LRRC4C: variants seen among roughly 807,000 people sequenced by gnomAD.
LRRC4C encodes the protein leucine rich repeat containing 4C.
A neutral mutation model predicts 33.6 loss-of-function variants in LRRC4C; 5 were observed. The observed-to-expected ratio is 0.15, with a 90% confidence interval of 0.08 to 0.31. The LOEUF (loss-of-function observed/expected upper bound fraction) is 0.31. Ranked by LOEUF, LRRC4C falls within the 10% of genes least tolerant of loss-of-function variation. The pLI, the probability that LRRC4C is intolerant of heterozygous loss-of-function variation, is 1.00. For synonymous variants in LRRC4C, 329 were observed against 302.0 expected (o/e 1.09, Z -0.93); for missense variants, 560 against 796.7 (o/e 0.70, Z 3.58).
intron 1 of LRRC4C, among the ~76,000 whole-genome samples, chr11:41,187,297 G>A (rs1315230807): frequency 3.9e-5 from 6 of 152,300 alleles, no homozygotes; most frequent in African/African-American, 1.4e-4. Context: ...GCTGTAGCAG[G>A]CATGCACACA....
chr11:41,240,684 G>A (rs1948215366), intron 1 of LRRC4C, among the ~76,000 whole-genome samples: 2 of 152,226 alleles, frequency 1.3e-5, no homozygotes, highest in East Asian at 3.9e-4. Context: ...ACCTACATGG[G>A]GATGACTTTC....
rs559896284 is a variant in LRRC4C, at chr11:40,952,327, G to T, written c.-495-18604C>A. 3.9e-5 allele frequency among the ~76,000 whole-genome samples: 6 copies of T among 152,020 alleles called. No individual in the cohort carries two copies. In the South Asian group the frequency reaches 1.2e-3, roughly 31 times the overall value. On this transcript the variant is annotated intron_variant, in intron 1 of 6. Transcript: ENST00000528697. Reference sequence around the variant, plus strand: ...AGGGTTTATTTTGGGAATCTAGGAAGCAGGTTGGCTGGCTTCGAAAGCTAC... The same window carrying T: ...AGGGTTTATTTTGGGAATCTAGGAATCAGGTTGGCTGGCTTCGAAAGCTAC...
intron 2 of LRRC4C, among the ~76,000 whole-genome samples, chr11:40,725,114 A>G (rs11517631): frequency 0.45 from 67,996 of 152,042 alleles, 16,177 homozygotes; most frequent in African/African-American, 0.58. Context: ...TTATCTCCTC[A>G]AGTGATGCCT....
chr11:40,183,556 C>T (rs1172973731), intron 5 of LRRC4C, among the ~76,000 whole-genome samples: 1 of 152,172 alleles, frequency 6.6e-6, no homozygotes, highest in South Asian at 2.1e-4. Context: ...TCAAGACTTT[C>T]AGTTCTACAT....
chr11:40,895,345 C>T (rs1054470046), intron 2 of LRRC4C, among the ~76,000 whole-genome samples: 1 of 35,048 alleles, frequency 2.9e-5, no homozygotes, highest in Admixed American at 2.0e-4. Context: ...ATCCCCCTCA[C>T]TAAATTTTTA....
chr11:41,050,670 A>G (rs1382736639), intron 1 of LRRC4C, among the ~76,000 whole-genome samples: 1 of 151,970 alleles, frequency 6.6e-6, no homozygotes, highest in Non-Finnish European at 1.5e-5. Flanking sequence ...AATGTGCCAC[A>G]TTTTTTTATC....
intron 1 of LRRC4C, among the ~76,000 whole-genome samples, chr11:41,376,553 G>A (rs1031035201): frequency 2.0e-5 from 3 of 151,896 alleles, no homozygotes; most frequent in African/African-American, 7.3e-5. Flanking sequence ...TACATAAAAT[G>A]ACCAAAAATA....
chr11:40,282,615 C>G (rs1943557069), intron 4 of LRRC4C, among the ~76,000 whole-genome samples: 1 of 152,004 alleles, frequency 6.6e-6, no homozygotes, highest in Non-Finnish European at 1.5e-5. Flanking sequence ...AGAAGAAAAA[C>G]TTTAAAAAAG....
chr11:40,336,976 C>CAA (rs34144874), intron 3 of LRRC4C, among the ~76,000 whole-genome samples: 2,322 of 79,040 alleles, frequency 0.029, 345 homozygotes, highest in African/African-American at 0.04. Context: ...GACTTCGTCT[C>CAA]AAAAAAAAAA....
chr11:40,351,577 G>A (rs1947387998), intron 3 of LRRC4C: 1 of 151,918 alleles, frequency 6.6e-6, no homozygotes, highest in African/African-American at 2.4e-5. Flanking sequence ...TAGTCCTAGG[G>A]TAGTCAGTTA....
At chr11:40,561,006 CCTT>C (rs747336491) in intron 3 of LRRC4C, among the ~76,000 whole-genome samples, 15 of 152,142 alleles carry the variant, frequency 9.9e-5, no homozygotes, top group African/African-American at 1.2e-4. Context: ...TGTTTTCTCT[CCTT>C]CTTTTCTCAA....
chr11:40,423,399 C>CAGT (rs1225247542), intron 3 of LRRC4C, among the ~76,000 whole-genome samples: 22 of 130,556 alleles, frequency 1.7e-4, no homozygotes, highest in Admixed American at 1.9e-4. Flanking sequence ...GGCTGGAGTG[C>CAGT]AGTGGCGCCA....
At chr11:41,034,933 G>T (rs1378893117) in intron 1 of LRRC4C, among the ~76,000 whole-genome samples, 1 of 149,372 alleles carries the variant, frequency 6.7e-6, no homozygotes, top group East Asian at 2.0e-4. Flanking sequence ...TTTTTTGGGG[G>T]TCGTTGGTAT....
chr11:41,067,262 G>A (rs7946147), intron 1 of LRRC4C, among the ~76,000 whole-genome samples: 78,540 of 151,914 alleles, frequency 0.52, 20,821 homozygotes, highest in South Asian at 0.68. Context: ...AGCAGGGGTT[G>A]CAATCCTAGC....
chr11:40,481,652 T>G (rs1953573648), intron 3 of LRRC4C, among the ~76,000 whole-genome samples: 1 of 152,134 alleles, frequency 6.6e-6, no homozygotes, highest in Non-Finnish European at 1.5e-5. Flanking sequence ...ACTGATTAAT[T>G]CAACACTTCC....
chr11:41,356,908 C>T (rs191720263), intron 1 of LRRC4C, among the ~76,000 whole-genome samples: 3 of 152,168 alleles, frequency 2.0e-5, no homozygotes, highest in African/African-American at 4.8e-5. Flanking sequence ...ATCTGGCCAA[C>T]GTTTCCCTCA....
intron 1 of LRRC4C, among the ~76,000 whole-genome samples, chr11:41,222,478 A>C (rs1443504428): frequency 1.3e-5 from 2 of 152,162 alleles, no homozygotes; most frequent in Admixed American, 1.3e-4. Context: ...GACAGGGCTG[A>C]GGGCCAAGAA....
intron 4 of LRRC4C, chr11:40,292,390 C>T (rs1200030085): frequency 6.6e-6 from 1 of 152,158 alleles, no homozygotes; most frequent in Non-Finnish European, 1.5e-5. Flanking sequence ...GTTTCTCTCC[C>T]CCAATCAATG....
chr11:40,882,658 C>T (rs1404653117), intron 2 of LRRC4C, among the ~76,000 whole-genome samples: 2 of 152,040 alleles, frequency 1.3e-5, no homozygotes, highest in African/African-American at 4.8e-5. Flanking sequence ...CATCCTGTTA[C>T]CCCAAACTCT....
Sources: allele counts gnomAD v4.1 joint callset (sites outside exome capture counted in the v4.1 genomes callset), GRCh38; gene constraint gnomAD v4.1.1; transcripts MANE v1.5; gene names NCBI Gene and HGNC (gene_info 2026-07-23, HGNC 2026-07-21).